Variants in LORICRIN observed in about 807,000 individuals in gnomAD.
The protein encoded by LORICRIN is loricrin cornified envelope precursor protein.
LORICRIN carries 5 observed loss-of-function variants against 3.3 expected under a neutral mutation model. That is an observed-to-expected ratio of 1.52 (90% CI 0.79 to 3.19). LORICRIN has a LOEUF of 3.19. Ranked by LOEUF, LORICRIN falls within the 30% of genes most tolerant of loss-of-function variation. The probability of loss-of-function intolerance (pLI) is 0.00; values close to 1 mark genes in which losing one functional copy is unlikely to be tolerated. For missense variants in LORICRIN, 524 were observed against 460.2 expected, an observed-to-expected ratio of 1.14 and a Z score of -1.27; for synonymous variants, 237 against 231.4, an observed-to-expected ratio of 1.02 and a Z score of -0.22.
Position 153,261,879 on chromosome 1 carries a change from G to T in LORICRIN, c.930G>T (p.Pro310=). 2 of 1,611,016 alleles carry T rather than the reference G, an allele frequency of 1.2e-6. No homozygotes were observed. The highest frequency in any genetic ancestry group is 8.5e-7 in the Non-Finnish European group (1 of 1,179,214). The stretch of plus-strand genomic sequence containing the variant: ...AGCAGAAGCAGGCGCCTACCTGGCC[G>T]TCCAAATAGATCCCCCAGGGTACCA... ...QTQQKQAPTW[P]SK is the part of the protein sequence containing the mutation. Residue 310 remains proline (P), a synonymous_variant, in exon 2 of 2, where the codon CCG becomes CCT. Coordinates refer to ENST00000368742, the MANE Select transcript of LORICRIN (RefSeq NM_000427.3).
chr1:153,260,500 G>A (rs1658736860), intron 1 of LORICRIN, among the ~76,000 whole-genome samples: 1 of 152,170 alleles, frequency 6.6e-6, no homozygotes, highest in African/African-American at 2.4e-5. Flanking sequence ...TGTTGTGCTG[G>A]GAATGGGTAA....
At position 153,260,396 on chromosome 1, in the gene LORICRIN, C is replaced by T. The variant is rs143111460; in HGVS notation, c.-23-531C>T. 3.2e-3 allele frequency among the ~76,000 whole-genome samples: 486 copies of T among 152,288 alleles called. 3 individuals are homozygous for T. The highest frequency in any genetic ancestry group is 0.011 in the African/African-American group (455 of 41,572). On this transcript the variant is annotated intron_variant, in intron 1 of 1. Coordinates refer to ENST00000368742, the MANE Select transcript of LORICRIN (RefSeq NM_000427.3). ...GACTAGCCCTTGGTTCATGGCCTAG[C>T]TCAGTGGGACAGACCAAGAGTTTGA...
In LORICRIN at chr1:153,262,027, C is replaced by G. The variant is rs139020547; in HGVS notation, c.*139C>G. The G allele has an allele frequency of 1.1e-6, 1 of 916,256 alleles. No homozygotes were observed. The highest frequency in any genetic ancestry group is 1.8e-6 in the Non-Finnish European group (1 of 570,890). 56.8% of individuals were successfully genotyped at this position (916,256 alleles called of 1,614,324 possible). On this transcript the variant is annotated 3_prime_UTR_variant, in exon 2 of 2. Transcript: ENST00000368742. ...TACCTGGAAGAAGCCATTGAGCTCT[C>G]CGGCTGCATCTAGTTCTGCTGTTTA... is the stretch of plus-strand genomic sequence containing the variant.
At position 153,261,435 on chromosome 1, in the gene LORICRIN, A is replaced by C. The variant is rs1436368785; in HGVS notation, c.486A>C (p.Gly162=). The C allele has an allele frequency of 2.1e-6, 3 of 1,399,260 alleles. No homozygotes were observed. Among genetic ancestry groups the C allele is most frequent in the Non-Finnish European group, 2.8e-6 (3 of 1,080,338 alleles). The allele number at this position is 1,399,260 out of a possible 1,614,324, so 86.7% of individuals were successfully genotyped here. Residue 162 remains glycine (G), a synonymous_variant, in exon 2 of 2, where the codon GGA becomes GGC. Coordinates refer to ENST00000368742, the MANE Select transcript of LORICRIN (RefSeq NM_000427.3). ...SGQAVQCQSY[G]GVSSGGSSGG... The stretch of plus-strand genomic sequence containing the variant: ...AGGCGGTCCAGTGCCAGAGCTACGG[A>C]GGCGTCTCTAGCGGCGGCTCCTCCG...
At chr1:153,260,906 T>G (rs1394821679) in intron 1 of LORICRIN, 21 bp from the exon 2 acceptor site, 2 of 1,506,450 alleles carry the variant, frequency 1.3e-6, no homozygotes, top group Non-Finnish European at 9.1e-7. Flanking sequence ...GGTCCAGCGA[T>G]GCTCTCTTCT....
chr1:153,261,531 T>TGGCGGC lies in LORICRIN; in HGVS notation c.585_586insGGCGGC (p.Gly195_Cys196insGlyGly), dbSNP rs1468167171. 21 of 1,490,492 alleles carry TGGCGGC rather than the reference T, an allele frequency of 1.4e-5. No homozygotes were observed. The highest frequency in any genetic ancestry group is 4.2e-5 in the Admixed American group (2 of 47,690). 92.3% of individuals were successfully genotyped at this position (1,490,492 alleles called of 1,614,324 possible). A position where few individuals can be genotyped will look rare whatever the true frequency, so the allele number is the denominator to read the frequency against. ...TCTGCGGCTACTCTGGCGGCGGCTC[T>TGGCGGC]GGCTGCGGCGGAGGCTCCTCTGGCG... On this transcript the variant is annotated inframe_insertion, in exon 2 of 2. Transcript: ENST00000368742.
In LORICRIN at chr1:153,261,309, C is replaced by G. The variant is rs1557795400; in HGVS notation, c.360C>G (p.Gly120=). ...GCTGCTTCTCCTCCGGTGGCGGCGG[C>G]TCCTCCGGGGGCGGCTCCGGCTGCT... is the stretch of plus-strand genomic sequence containing the variant. ...GSGCFSSGGG[G]SSGGGSGCFS... Residue 120 remains glycine, a synonymous_variant, in exon 2 of 2, where the codon GGC becomes GGG. Transcript: ENST00000368742. 6.8e-7 allele frequency: 1 copy of G among 1,459,950 alleles called. No individual in the cohort carries two copies. Among genetic ancestry groups the G allele is most frequent in the Non-Finnish European group, 9.0e-7 (1 of 1,114,822 alleles). 90.4% of individuals were successfully genotyped at this position (1,459,950 alleles called of 1,614,324 possible).
intron 1 of LORICRIN, among the ~76,000 whole-genome samples, 151 bp downstream of exon 1, chr1:153,259,884 G>C (rs915656943): frequency 2.8e-4 from 42 of 152,208 alleles, no homozygotes; most frequent in African/African-American, 8.4e-4. Flanking sequence ...GTCAGGAAAG[G>C]AGCAGGGGAT....
rs769886857 is a variant in LORICRIN, at chr1:153,261,712, G to T, written c.763G>T (p.Gly255Cys). 210 of 1,539,408 alleles carry T rather than the reference G, an allele frequency of 1.4e-4. No homozygotes were observed. Among genetic ancestry groups the T allele is most frequent in the Admixed American group, 3.9e-5 (2 of 50,786 alleles). The change falls in exon 2 of 2, where the codon GGC (glycine) becomes TGC (cysteine). Residue 255 changes from glycine to cysteine, a missense_variant. Gly to Cys is a radical substitution (Grantham distance 159). Transcript: ENST00000368742. ...GGGGSSGCGG[G>C]SSGIGSGCII... The stretch of plus-strand genomic sequence containing the variant: ...CGGCGGGAGCTCCGGCTGCGGCGGC[G>T]GCTCCTCCGGGATTGGCAGCGGCTG...
At position 153,261,647 on chromosome 1, in the gene LORICRIN, G is replaced by A. The variant is rs1217915705; in HGVS notation, c.698G>A (p.Gly233Asp). Residue 233 changes from glycine (G) to aspartate (D), a missense_variant, in exon 2 of 2, where the codon GGC (glycine) becomes GAC (aspartate). Transcript: ENST00000368742. ...PSYGGGSSGG[G>D]GSGGSGCFSS... ...TACGGAGGGGGGTCGTCCGGCGGCG[G>A]CGGCAGCGGCGGAAGCGGCTGCTTC... The A allele has an allele frequency of 1.0e-4, 151 of 1,510,574 alleles. No homozygotes were observed. Among genetic ancestry groups the A allele is most frequent in the Non-Finnish European group, 1.1e-4 (123 of 1,138,526 alleles). 93.6% of individuals were successfully genotyped at this position (1,510,574 alleles called of 1,614,324 possible). A position where few individuals can be genotyped will look rare whatever the true frequency, so the allele number is the denominator to read the frequency against.
At position 153,261,634 on chromosome 1, in the gene LORICRIN, T is replaced by C; in HGVS notation, c.685T>C (p.Ser229Pro). The change falls in exon 2 of 2, where the codon TCG becomes CCG. Residue 229 changes from serine (S) to proline (P), a missense_variant. Physicochemically the swap from Ser to Pro is moderately conservative, Grantham distance 74. Coordinates refer to ENST00000368742, the MANE Select transcript of LORICRIN (RefSeq NM_000427.3). ...CAPQPSYGGG[S>P]SGGGGSGGSG... ...GCCCCAGCCGAGTTACGGAGGGGGGTCGTCCGGCGGCGGCGGCAGCGGCGG... is the reference window on the plus strand; with the variant it reads ...GCCCCAGCCGAGTTACGGAGGGGGGCCGTCCGGCGGCGGCGGCAGCGGCGG... 1.3e-6 allele frequency: 2 copies of C among 1,504,180 alleles called. No homozygotes were observed. Among genetic ancestry groups the C allele is most frequent in the Non-Finnish European group, 1.8e-6 (2 of 1,135,760 alleles). The allele number at this position is 1,504,180 out of a possible 1,614,324, so 93.2% of individuals were successfully genotyped here. A position where few individuals can be genotyped will look rare whatever the true frequency, so the allele number is the denominator to read the frequency against.
At position 153,261,422 on chromosome 1, in the gene LORICRIN, G is replaced by T. The variant is rs1350267473; in HGVS notation, c.473G>T (p.Cys158Phe). 2 of 1,498,984 alleles carry T rather than the reference G, an allele frequency of 1.3e-6. No homozygotes were observed. Among genetic ancestry groups the T allele is most frequent in the Non-Finnish European group, 1.8e-6 (2 of 1,132,080 alleles). The allele number at this position is 1,498,984 out of a possible 1,614,324, so 92.9% of individuals were successfully genotyped here. The change falls in exon 2 of 2, where the codon TGC (cysteine) becomes TTC (phenylalanine). Residue 158 changes from cysteine (C) to phenylalanine (F), a missense_variant. Physicochemically the swap from Cys to Phe is radical, Grantham distance 205. Coordinates refer to ENST00000368742, the MANE Select transcript of LORICRIN (RefSeq NM_000427.3). ...GGCTTCTCGGGCCAGGCGGTCCAGT[G>T]CCAGAGCTACGGAGGCGTCTCTAGC... ...GGGFSGQAVQ[C>F]QSYGGVSSGG...
Position 153,261,994 on chromosome 1 carries a change from T to C in LORICRIN, c.*106T>C. 1 of 1,203,720 alleles carries C rather than the reference T, an allele frequency of 8.3e-7. No homozygotes were observed. The highest frequency in any genetic ancestry group is 1.2e-6 in the Non-Finnish European group (1 of 829,996). The allele number at this position is 1,203,720 out of a possible 1,614,324, so 74.6% of individuals were successfully genotyped here. A position where few individuals can be genotyped will look rare whatever the true frequency, so the allele number is the denominator to read the frequency against. ...ACCCGAGGTTTGCAAATCCTTCATGTCTTAACCTACCTGGAAGAAGCCATT... is the reference window on the plus strand; with the variant it reads ...ACCCGAGGTTTGCAAATCCTTCATGCCTTAACCTACCTGGAAGAAGCCATT... On this transcript the variant is annotated 3_prime_UTR_variant, in exon 2 of 2. Coordinates refer to ENST00000368742, the MANE Select transcript of LORICRIN (RefSeq NM_000427.3).
At position 153,261,283 on chromosome 1, in the gene LORICRIN, G is replaced by A. The variant is rs1357856002; in HGVS notation, c.334G>A (p.Gly112Ser). ...TTTCTCCAGCGGTGGGGGCGGCTCC[G>A]GCTGCTTCTCCTCCGGTGGCGGCGG... ...GCFSSGGGGS[G>S]CFSSGGGGSS... is the part of the protein sequence containing the mutation. Residue 112 changes from glycine (G) to serine (S), a missense_variant, in exon 2 of 2, where the codon GGC becomes AGC. Transcript: ENST00000368742. 2 of 1,422,212 alleles carry A rather than the reference G, an allele frequency of 1.4e-6. No homozygotes were observed. The highest frequency in any genetic ancestry group is 5.9e-5 in the East Asian group (2 of 33,826). The allele number at this position is 1,422,212 out of a possible 1,614,324, so 88.1% of individuals were successfully genotyped here.
rs1658719013 is a variant in LORICRIN at position 153,259,750 on chromosome 1, T to G, written c.-24+17T>G. ...GTGCTTTGGGTAAGTGTGGTTCTAC[T>G]GACTCTCTCATTTTCCCAGCTGGTC... On this transcript the variant is annotated intron_variant, in intron 1 of 1. Coordinates refer to ENST00000368742, the MANE Select transcript of LORICRIN (RefSeq NM_000427.3). 2 of 152,634 alleles carry G rather than the reference T, an allele frequency of 1.3e-5. No individual in the cohort carries two copies. Among genetic ancestry groups the G allele is most frequent in the Admixed American group, 6.5e-5 (1 of 15,308 alleles). The allele number at this position is 152,634 out of a possible 1,614,324, so 9.5% of individuals were successfully genotyped here.
In LORICRIN at chr1:153,261,987, C is replaced by T; in HGVS notation, c.*99C>T. 4 of 1,275,440 alleles carry T rather than the reference C, an allele frequency of 3.1e-6. No homozygotes were observed. The highest frequency in any genetic ancestry group is 4.5e-6 in the Non-Finnish European group (4 of 895,066). 79.0% of individuals were successfully genotyped at this position (1,275,440 alleles called of 1,614,324 possible). On this transcript the variant is annotated 3_prime_UTR_variant, in exon 2 of 2. Coordinates refer to ENST00000368742, the MANE Select transcript of LORICRIN (RefSeq NM_000427.3). Reference sequence around the variant, plus strand: ...TGATGCTACCCGAGGTTTGCAAATCCTTCATGTCTTAACCTACCTGGAAGA... The same window carrying T: ...TGATGCTACCCGAGGTTTGCAAATCTTTCATGTCTTAACCTACCTGGAAGA...
In LORICRIN at chr1:153,261,455, C is replaced by T. The variant is rs772586615; in HGVS notation, c.506C>T (p.Ser169Phe). The change falls in exon 2 of 2, where the codon TCC becomes TTC. Residue 169 changes from serine (S) to phenylalanine (F), a missense_variant. Ser to Phe is a radical substitution (Grantham distance 155, BLOSUM62 -2). Coordinates refer to ENST00000368742, the MANE Select transcript of LORICRIN (RefSeq NM_000427.3). ...QSYGGVSSGG[S>F]SGGGSGCFSS... ...TACGGAGGCGTCTCTAGCGGCGGCT[C>T]CTCCGGGGGCGGCTCCGGCTGCTTC... The T allele has an allele frequency of 3.9e-4, 589 of 1,491,208 alleles. 4 individuals are homozygous for T. Among genetic ancestry groups the T allele is most frequent in the Non-Finnish European group, 2.6e-4 (292 of 1,128,698 alleles). 92.4% of individuals were successfully genotyped at this position (1,491,208 alleles called of 1,614,324 possible). A position where few individuals can be genotyped will look rare whatever the true frequency, so the allele number is the denominator to read the frequency against.
chr1:153,261,238 TCC>T lies in LORICRIN; in HGVS notation c.290_291del (p.Ser97TrpfsTer69). 2 of 1,370,324 alleles carry T rather than the reference TCC, an allele frequency of 1.5e-6. No homozygotes were observed. The highest frequency in any genetic ancestry group is 9.3e-7 in the Non-Finnish European group (1 of 1,070,768). 84.9% of individuals were successfully genotyped at this position (1,370,324 alleles called of 1,614,324 possible). On this transcript the variant is annotated frameshift_variant, in exon 2 of 2. Coordinates refer to ENST00000368742, the MANE Select transcript of LORICRIN (RefSeq NM_000427.3). LOFTEE classifies it low-confidence loss of function (END_TRUNC). Reference sequence around the variant, plus strand: ...CAAGTACTCCGGAGGCGGCGGCTCCTCCGGCGGGGGCTCTGGCTGTTTCTCCA... The same window carrying T: ...CAAGTACTCCGGAGGCGGCGGCTCCTGGCGGGGGCTCTGGCTGTTTCTCCA... ...SVKYSGGGGS[S>X]GGGSGCFSSG...
At position 153,261,417 on chromosome 1, in the gene LORICRIN, CCAG is replaced by C; in HGVS notation, c.469_471del (p.Gln157del). ...GCGGCGGCTTCTCGGGCCAGGCGGT[CCAG>C]TGCCAGAGCTACGGAGGCGTCTCTA... On this transcript the variant is annotated inframe_deletion, in exon 2 of 2. Transcript: ENST00000368742. 1 of 1,496,748 alleles carries C rather than the reference CCAG, an allele frequency of 6.7e-7. No homozygotes were observed. Among genetic ancestry groups the C allele is most frequent in the Admixed American group, 2.1e-5 (1 of 47,516 alleles). The allele number at this position is 1,496,748 out of a possible 1,614,324, so 92.7% of individuals were successfully genotyped here.
Sources: allele counts gnomAD v4.1 joint callset (sites outside exome capture counted in the v4.1 genomes callset), GRCh38; gene constraint gnomAD v4.1.1; transcripts MANE v1.5; gene names NCBI Gene and HGNC (gene_info 2026-07-23, HGNC 2026-07-21).